Variants in COL4A5 observed in about 807,000 individuals in gnomAD.
The protein encoded by COL4A5 is collagen type IV alpha 5 chain.
In COL4A5, 26 loss-of-function variants were observed where a neutral mutation model predicts 130.2. That is an observed-to-expected ratio of 0.20 (90% confidence interval 0.15 to 0.28). The LOEUF (loss-of-function observed/expected upper bound fraction) is 0.28, where lower values mean the gene tolerates loss of function less well. Ranked by LOEUF, COL4A5 falls within the 10% of genes least tolerant of loss-of-function variation. The pLI, the probability that COL4A5 is intolerant of heterozygous loss-of-function variation, is 1.00. For missense variants in COL4A5, 1,131 were observed against 1,344.3 expected, an observed-to-expected ratio of 0.84 and a Z score of 2.48; for synonymous variants, 496 against 439.6, an observed-to-expected ratio of 1.13 and a Z score of -1.60.
At chrX:108,637,853 CT>C (rs780689078) in intron 36 of COL4A5, among the ~76,000 whole-genome samples, 231 of 100,002 alleles carry the variant, frequency 2.3e-3, no homozygotes, top group South Asian at 1.8e-3. Flanking sequence ...TTCTACCAAT[CT>C]TTTTTTTTTT....
At chrX:108,455,455 C>T (rs1445826014) in intron 1 of COL4A5, among the ~76,000 whole-genome samples, 1 of 111,955 alleles carries the variant, frequency 8.9e-6, no homozygotes, top group African/African-American at 3.2e-5. Flanking sequence ...GTGAACAGCT[C>T]AATTATTACT....
At chrX:108,624,568 G>A (rs753963109) in intron 34 of COL4A5, among the ~76,000 whole-genome samples, 4 of 112,055 alleles carry the variant, frequency 3.6e-5, no homozygotes, top group African/African-American at 1.3e-4. Flanking sequence ...TCTTTTTGTG[G>A]CAGCAGGGTA....
chrX:108,692,956 C>A, intron 50 of COL4A5, 31 bp downstream of exon 50: 1 of 1,200,154 alleles, frequency 8.3e-7, no homozygotes, highest in Non-Finnish European at 1.1e-6. Context: ...TGACTTTTAC[C>A]AATCCCCAGT....
chrX:108,627,712 T>C (rs759322551), intron 36 of COL4A5: 16 of 348,335 alleles, frequency 4.6e-5, no homozygotes, highest in Non-Finnish European at 5.9e-5. Context: ...ATAAAAAGTC[T>C]CCTTTTTACA....
chrX:108,625,467 T>C (rs2067135803), intron 34 of COL4A5, among the ~76,000 whole-genome samples: 1 of 112,246 alleles, frequency 8.9e-6, no homozygotes, highest in African/African-American at 3.2e-5. Flanking sequence ...CAAGGTGTTC[T>C]GGTAACTTTT....
At chrX:108,569,122 A>G (rs1004226924) in intron 6 of COL4A5, 5 of 202,585 alleles carry the variant, frequency 2.5e-5, no homozygotes, top group Admixed American at 1.4e-4. Flanking sequence ...TTCAAATATT[A>G]TATCAATTGT....
intron 31 of COL4A5, among the ~76,000 whole-genome samples, chrX:108,621,091 CTT>C (rs1314341456): frequency 5.8e-5 from 6 of 103,295 alleles, no homozygotes; most frequent in African/African-American, 1.1e-4. Context: ...TCTCTTCTCT[CTT>C]TCTTTCTTTC....
intron 2 of COL4A5, among the ~76,000 whole-genome samples, chrX:108,548,571 G>A (rs1348114764): frequency 9.0e-6 from 1 of 111,535 alleles, no homozygotes; most frequent in Admixed American, 9.5e-5. Context: ...GGGGCACTAA[G>A]AATGGCAAGA....
intron 1 of COL4A5, among the ~76,000 whole-genome samples, chrX:108,450,263 T>A (rs1314161839): frequency 1.8e-5 from 2 of 111,737 alleles, no homozygotes; most frequent in African/African-American, 6.5e-5. Context: ...ATGGAACGCT[T>A]TTTTGTTTGT....
At chrX:108,520,158 T>C (rs2065252276) in intron 1 of COL4A5, among the ~76,000 whole-genome samples, 1 of 111,681 alleles carries the variant, frequency 9.0e-6, no homozygotes, top group Admixed American at 9.5e-5. Flanking sequence ...TTTGATATAA[T>C]GGTTATGCTA....
chrX:108,663,698 T>G (rs979351985), intron 37 of COL4A5, among the ~76,000 whole-genome samples: 1 of 108,812 alleles, frequency 9.2e-6, no homozygotes, highest in Non-Finnish European at 1.9e-5. Flanking sequence ...CGTTTACCTG[T>G]GTAACAAACC....
At chrX:108,684,597 T>C (rs2068505458) in intron 47 of COL4A5, among the ~76,000 whole-genome samples, 3 of 112,168 alleles carry the variant, frequency 2.7e-5, no homozygotes, top group African/African-American at 9.7e-5. Context: ...GTTCTGAAAT[T>C]GAGGCAGTAA....
At chrX:108,575,133 G>A (rs898491187) in intron 9 of COL4A5, among the ~76,000 whole-genome samples, 5 of 111,483 alleles carry the variant, frequency 4.5e-5, no homozygotes, top group African/African-American at 1.6e-4. Context: ...TTATATCTAA[G>A]TATAGAATTG....
chrX:108,563,630 T>C (rs2065927954), intron 3 of COL4A5, among the ~76,000 whole-genome samples: 1 of 111,573 alleles, frequency 9.0e-6, no homozygotes, highest in South Asian at 3.7e-4. Context: ...TAATTAACTG[T>C]ACAGGTATAG....
At chrX:108,565,984 C>CTTTTTTT (rs113282994) in intron 4 of COL4A5, among the ~76,000 whole-genome samples, 1 of 86,752 alleles carries the variant, frequency 1.2e-5, no homozygotes, top group Non-Finnish European at 2.3e-5. Flanking sequence ...GGCTATTCTT[C>CTTTTTTT]TTTTTTTTTT....
intron 2 of COL4A5, among the ~76,000 whole-genome samples, chrX:108,543,509 A>G (rs1377126391): frequency 9.0e-6 from 1 of 111,444 alleles, no homozygotes; most frequent in Non-Finnish European, 1.9e-5. Flanking sequence ...TGGTGACTGT[A>G]GCCTTGTAGT....
chrX:108,636,537 C>T (rs1396492274), intron 36 of COL4A5, among the ~76,000 whole-genome samples: 1 of 110,125 alleles, frequency 9.1e-6, no homozygotes, highest in Non-Finnish European at 1.9e-5. Context: ...AAAATATTTG[C>T]AAATCATATA....
chrX:108,506,662 G>C (rs1426933020), intron 1 of COL4A5, among the ~76,000 whole-genome samples: 1 of 111,236 alleles, frequency 9.0e-6, no homozygotes, highest in Admixed American at 9.5e-5. Flanking sequence ...GGTAATATTT[G>C]CTCGCCCACC....
chrX:108,601,289 T>C (rs1425286253), intron 25 of COL4A5, 104 bp from the exon 26 acceptor site: 1 of 545,191 alleles, frequency 1.8e-6, no homozygotes. Context: ...TTAGTTTACA[T>C]TTTCAAAAGA....
Sources: allele counts gnomAD v4.1 joint callset (sites outside exome capture counted in the v4.1 genomes callset), GRCh38; gene constraint gnomAD v4.1.1; transcripts MANE v1.5; gene names NCBI Gene and HGNC (gene_info 2026-07-23, HGNC 2026-07-21).